NLRP13: variants seen among roughly 807,000 people sequenced by gnomAD.
The protein encoded by NLRP13 is NLR family pyrin domain containing 13.
Under a neutral mutation model 94.4 loss-of-function variants are expected in NLRP13, and 82 were observed. The observed-to-expected ratio is 0.87, with a 90% CI of 0.73 to 1.04. The LOEUF (loss-of-function observed/expected upper bound fraction) is 1.04, where lower values mean the gene tolerates loss of function less well. Ranked by LOEUF, NLRP13 falls within the 50% of genes least tolerant of loss-of-function variation. The pLI, the probability that NLRP13 is intolerant of heterozygous loss-of-function variation, is 0.00. For missense variants in NLRP13, 1,426 were observed against 1,230.8 expected (o/e 1.16, Z -2.37); for synonymous variants, 553 against 464.7 (o/e 1.19, Z -2.45).
intron 1 of NLRP13, among the ~76,000 whole-genome samples, chr19:55,927,431 G>C (rs1199220199): frequency 6.9e-6 from 1 of 144,438 alleles, no homozygotes; most frequent in African/African-American, 2.6e-5. Context: ...ATTCTCCTTT[G>C]CCTGTGAAAT....
chr19:55,914,891 G>A (rs575864574), intron 4 of NLRP13, among the ~76,000 whole-genome samples: 1 of 152,288 alleles, frequency 6.6e-6, no homozygotes, highest in South Asian at 2.1e-4. Flanking sequence ...ACATGGGAGT[G>A]AAAATCTCTT....
intron 1 of NLRP13, among the ~76,000 whole-genome samples, chr19:55,930,100 G>A (rs754722574): frequency 7.2e-5 from 11 of 152,098 alleles, no homozygotes; most frequent in Non-Finnish European, 1.5e-4. Flanking sequence ...GACTCCGCAT[G>A]CCCCGTGTCC....
intron 9 of NLRP13, among the ~76,000 whole-genome samples, chr19:55,901,829 G>A (rs1986186720): frequency 6.6e-6 from 1 of 151,950 alleles, no homozygotes; most frequent in South Asian, 2.1e-4. Context: ...CAAACCCGGG[G>A]GCTGGTCTCG....
At chr19:55,930,836 A>G (rs548818000) in intron 1 of NLRP13, among the ~76,000 whole-genome samples, 1 of 148,398 alleles carries the variant, frequency 6.7e-6, no homozygotes, top group South Asian at 2.1e-4. Flanking sequence ...TACATGGTGC[A>G]CTAAGACCAG....
At chr19:55,926,021 C>T (rs909134128) in intron 1 of NLRP13, among the ~76,000 whole-genome samples, 4 of 152,152 alleles carry the variant, frequency 2.6e-5, no homozygotes, top group Non-Finnish European at 5.9e-5. Context: ...CTCCTGGAAG[C>T]AGGGAGCCCG....
At chr19:55,927,379 A>G (rs920831917) in intron 1 of NLRP13, among the ~76,000 whole-genome samples, 1 of 151,930 alleles carries the variant, frequency 6.6e-6, no homozygotes. Context: ...GAAAAAAAAA[A>G]AAAAAAAGAG....
chr19:55,921,390 G>T (rs1986821715), intron 4 of NLRP13, among the ~76,000 whole-genome samples: 1 of 152,136 alleles, frequency 6.6e-6, no homozygotes, highest in South Asian at 2.1e-4. Context: ...GGATCAATTT[G>T]ACTATAAGCT....
At chr19:55,913,769 G>A (rs922502898) in intron 4 of NLRP13, among the ~76,000 whole-genome samples, 9 of 151,860 alleles carry the variant, frequency 5.9e-5, no homozygotes, top group South Asian at 2.1e-4. Context: ...ACTTTCAGGC[G>A]GGGGGAAGGC....
chr19:55,925,048 G>C lies in NLRP13; in HGVS notation c.320-13C>G. 6.2e-7 allele frequency: 1 copy of C among 1,612,894 alleles called. No individual in the cohort carries two copies. Among genetic ancestry groups the C allele is most frequent in the Non-Finnish European group, 8.5e-7 (1 of 1,178,986 alleles). On this transcript the variant is annotated splice_polypyrimidine_tract_variant and intron_variant, in intron 1 of 10. Transcript: ENST00000342929. ...GTCTGCACATTCTCTGAAACAAACA[G>C]TGATGATGACATATGAGAATACCCA...
At chr19:55,922,006 C>T (rs1486423901) in intron 4 of NLRP13, among the ~76,000 whole-genome samples, 2 of 152,198 alleles carry the variant, frequency 1.3e-5, no homozygotes, top group Non-Finnish European at 2.9e-5. Flanking sequence ...CACAGTTCCA[C>T]ATGGCTGGGG....
At chr19:55,894,064 T>TTTTTTTG (rs1985933919), downstream of NLRP13, among the ~76,000 whole-genome samples, 1 of 148,612 alleles carries the variant, frequency 6.7e-6, no homozygotes, top group African/African-American at 2.5e-5. Context: ...TTTTTTTTTT[T>TTTTTTTG]GAGACAGGGT....
At chr19:55,931,598 A>G (rs951918829) in intron 1 of NLRP13, among the ~76,000 whole-genome samples, 1 of 150,372 alleles carries the variant, frequency 6.7e-6, no homozygotes, top group Non-Finnish European at 1.5e-5. Flanking sequence ...AGTCCCAGCT[A>G]CTTGGGAGGC....
chr19:55,903,920 C>G (rs1016020873), intron 8 of NLRP13, among the ~76,000 whole-genome samples: 4 of 152,162 alleles, frequency 2.6e-5, no homozygotes, highest in African/African-American at 9.7e-5. Flanking sequence ...TTTCAAAGTA[C>G]GTCAGATTAA....
At chr19:55,927,638 C>T (rs576316802) in intron 1 of NLRP13, among the ~76,000 whole-genome samples, 4 of 152,000 alleles carry the variant, frequency 2.6e-5, no homozygotes, top group South Asian at 2.1e-4. Context: ...AACAATCATC[C>T]ATAAACCACC....
Position 55,932,171 on chromosome 19 carries a change from G to T in NLRP13, c.141C>A (p.Ala47=). The change falls in exon 1 of 11, where the codon GCC becomes GCA. Residue 47 remains alanine, a synonymous_variant. Coordinates refer to ENST00000342929, the MANE Select transcript of NLRP13 (RefSeq NM_176810.2). ...GGATACGCGGGAAGTGCCCCTGGGG[G>T]GCCGACCAGAAGTCCATCAGCTGCT... The part of the protein sequence containing the change: ...EPQQLMDFWS[A]PQGHFPRIPW... 2 of 1,614,134 alleles carry T rather than the reference G, an allele frequency of 1.2e-6. No homozygotes were observed. Among genetic ancestry groups the T allele is most frequent in the Non-Finnish European group, 8.5e-7 (1 of 1,180,004 alleles).
intron 8 of NLRP13, among the ~76,000 whole-genome samples, chr19:55,902,684 A>G (rs532596046): frequency 6.6e-6 from 1 of 152,186 alleles, no homozygotes; most frequent in Non-Finnish European, 1.5e-5. Flanking sequence ...CAGGCAGTGT[A>G]CAGGTTATAG....
intron 4 of NLRP13, among the ~76,000 whole-genome samples, chr19:55,921,171 A>G (rs1287308142): frequency 6.6e-6 from 1 of 152,224 alleles, no homozygotes; most frequent in African/African-American, 2.4e-5. Flanking sequence ...GGTACAATGT[A>G]GACTATTCAG....
chr19:55,910,972 T>C (rs56310316), intron 5 of NLRP13, among the ~76,000 whole-genome samples: 19,378 of 151,962 alleles, frequency 0.13, 1,550 homozygotes, highest in Non-Finnish European at 0.18. Context: ...ATTAGCCAGG[T>C]GTAGTGGTGC....
intron 1 of NLRP13, among the ~76,000 whole-genome samples, chr19:55,928,109 G>A (rs1987015143): frequency 6.6e-6 from 1 of 152,178 alleles, no homozygotes; most frequent in Non-Finnish European, 1.5e-5. Context: ...GTGGCCCAGG[G>A]CTTTCTCCTA....
Sources: allele counts gnomAD v4.1 joint callset (sites outside exome capture counted in the v4.1 genomes callset), GRCh38; gene constraint gnomAD v4.1.1; transcripts MANE v1.5; gene names NCBI Gene and HGNC (gene_info 2026-07-23, HGNC 2026-07-21).